Variants in SMARCC2 observed in about 807,000 individuals in gnomAD.
The protein encoded by SMARCC2 is SWI/SNF complex subunit SMARCC2.
In SMARCC2, 15 loss-of-function variants were observed where a neutral mutation model predicts 151.3. The ratio of observed to expected loss-of-function variants is 0.10; its 90% confidence interval spans 0.07 to 0.15. SMARCC2 has a LOEUF of 0.15. SMARCC2 is among the 10% of genes least tolerant of loss of function. The pLI, the probability that SMARCC2 is intolerant of heterozygous loss-of-function variation, is 1.00. For missense variants in SMARCC2, 1,031 were observed against 1,599.7 expected (o/e 0.64, Z 6.06); for synonymous variants, 590 against 609.5 (o/e 0.97, Z 0.47).
chr12:56,189,149 G>C (rs1483665357), intron 1 of SMARCC2, among the ~76,000 whole-genome samples: 1 of 148,428 alleles, frequency 6.7e-6, no homozygotes, highest in African/African-American at 2.5e-5. Flanking sequence ...GGGGGCGGGG[G>C]CTGGGCTCAG....
chr12:56,166,441 G>A (rs1035203394), intron 26 of SMARCC2, among the ~76,000 whole-genome samples: 44 of 151,952 alleles, frequency 2.9e-4, no homozygotes, highest in East Asian at 3.9e-4. Context: ...GTGAGCCACC[G>A]CGCCCGGCTG....
At chr12:56,172,007 C>A in intron 20 of SMARCC2, 70 bp from the exon 21 acceptor site, 1 of 1,436,574 alleles carries the variant, frequency 7.0e-7, no homozygotes, top group Non-Finnish European at 9.5e-7. Flanking sequence ...TCCCCCCATC[C>A]TACTAAGGGC....
chr12:56,176,955 G>A (rs2081134124), intron 15 of SMARCC2, among the ~76,000 whole-genome samples: 1 of 152,114 alleles, frequency 6.6e-6, no homozygotes, highest in Non-Finnish European at 1.5e-5. Context: ...CCTAGTAGTT[G>A]GGATTACAGG....
chr12:56,169,290 T>G (rs1873449903), intron 25 of SMARCC2, among the ~76,000 whole-genome samples: 1 of 152,142 alleles, frequency 6.6e-6, no homozygotes, highest in Non-Finnish European at 1.5e-5. Context: ...AACATGGAGA[T>G]AGTGTGGCAA....
intron 3 of SMARCC2, chr12:56,185,507 C>G: frequency 9.2e-6 from 2 of 217,336 alleles, no homozygotes; most frequent in Non-Finnish European, 1.8e-5. Context: ...GAGAGGGAGT[C>G]CCGCTCTGTT....
intron 3 of SMARCC2, 63 bp from the exon 4 acceptor site, chr12:56,185,174 C>T (rs1404410564): frequency 1.1e-5 from 15 of 1,368,802 alleles, no homozygotes; most frequent in South Asian, 2.3e-5. Flanking sequence ...GGTGAGGGCA[C>T]GTGACTTTTT....
intron 8 of SMARCC2, 23 bp downstream of exon 8, chr12:56,181,981 G>T: frequency 6.3e-7 from 1 of 1,598,904 alleles, no homozygotes; most frequent in Non-Finnish European, 8.6e-7. Context: ...TTTTGGGGAA[G>T]AGGGGATACA....
Position 56,178,516 on chromosome 12 carries a change from T to A in SMARCC2, c.1198A>T (p.Thr400Ser). The A allele has an allele frequency of 1.2e-6, 2 of 1,614,206 alleles. No individual in the cohort carries two copies. The highest frequency in any genetic ancestry group is 1.7e-6 in the Non-Finnish European group (2 of 1,180,010). The change falls in exon 14 of 29, where the codon ACG becomes TCG. Residue 400 changes from threonine (T) to serine (S), a missense_variant. By Grantham distance (58) the Thr-to-Ser change is moderately conservative (BLOSUM62 1). This residue lies in a region of SMARCC2 where 127 missense variants were observed against 141.7 expected (regional missense o/e 0.90). Coordinates refer to ENST00000550164, the MANE Select transcript of SMARCC2 (RefSeq NM_001330288.2). Reference protein sequence around the residue: ...TTGKDEDENSTGNKGEQTKNP... With the variant: ...TTGKDEDENSSGNKGEQTKNP... ...TTGGTCTGCTCTCCCTTGTTCCCCGTACTGTTCTCATCCTCATCCTACGAG... is the reference window on the plus strand; with the variant it reads ...TTGGTCTGCTCTCCCTTGTTCCCCGAACTGTTCTCATCCTCATCCTACGAG...
chr12:56,168,237 A>T lies in SMARCC2; in HGVS notation c.2716-43T>A, dbSNP rs1021099981. ...AGACAGCACATCAGTGGGAGGACCCAACTGAAGACAATACAGAAGAAAGGT... is the reference window on the plus strand; with the variant it reads ...AGACAGCACATCAGTGGGAGGACCCTACTGAAGACAATACAGAAGAAAGGT... On this transcript the variant is annotated intron_variant, in intron 25 of 28. Coordinates refer to ENST00000550164, the MANE Select transcript of SMARCC2 (RefSeq NM_001330288.2). 2.5e-6 allele frequency: 4 copies of T among 1,610,454 alleles called. No individual in the cohort carries two copies. In the African/African-American group the frequency reaches 5.3e-5, roughly 22 times the overall value.
intron 7 of SMARCC2, among the ~76,000 whole-genome samples, chr12:56,182,947 C>T (rs1282978580): frequency 6.6e-6 from 1 of 151,026 alleles, no homozygotes; most frequent in Non-Finnish European, 1.5e-5. Flanking sequence ...AATCCTCCCA[C>T]CTCAGCCCCC....
chr12:56,172,871 T>C, intron 18 of SMARCC2, 66 bp downstream of exon 18: 1 of 1,588,586 alleles, frequency 6.3e-7, no homozygotes, highest in African/African-American at 1.3e-5. Context: ...TGTCTCTTCT[T>C]CCCGGGCAGG....
rs1284468520 is a variant in SMARCC2, at chr12:56,180,879, G to T, written c.1081+98C>A. On this transcript the variant is annotated intron_variant, in intron 11 of 28. Transcript: ENST00000550164. ...ATTTAAGGAAAAGATCCTGTAGACTGGGAGGTGGACCTGAGAAATCAGCTC... is the reference window on the plus strand; with the variant it reads ...ATTTAAGGAAAAGATCCTGTAGACTTGGAGGTGGACCTGAGAAATCAGCTC... 4.8e-6 allele frequency: 6 copies of T among 1,250,450 alleles called. No individual in the cohort carries two copies. In the African/African-American group the frequency reaches 9.0e-5, roughly 19 times the overall value. 77.5% of individuals were successfully genotyped at this position (1,250,450 alleles called of 1,614,324 possible). A position where few individuals can be genotyped will look rare whatever the true frequency, so the allele number is the denominator to read the frequency against.
rs778009668 is a variant in SMARCC2, at chr12:56,174,752, A to G, written c.1395T>C (p.Tyr465=). The change falls in exon 16 of 29, where the codon TAT becomes TAC. Residue 465 remains tyrosine, a synonymous_variant. Transcript: ENST00000550164. ...GGTAAGTGTCAATCATAAAGTTTCG[A>G]TAGGCCAGGTAGCTTAGAAGAAAGA... The part of the protein sequence containing the change: ...KSKTPEIYLA[Y]RNFMIDTYRL... 1 of 1,608,820 alleles carries G rather than the reference A, an allele frequency of 6.2e-7. No homozygotes were observed. Among genetic ancestry groups the G allele is most frequent in the Admixed American group, 1.7e-5 (1 of 59,994 alleles).
chr12:56,169,661 C>T lies in SMARCC2; in HGVS notation c.2583G>A (p.Gly861=). Reference sequence around the variant, plus strand: ...CCACTTCCTTCAGCACTTCCTCCTGCCCTTCCTTTGGCTCCTTCTCCTTCT... The same window carrying T: ...CCACTTCCTTCAGCACTTCCTCCTGTCCTTCCTTTGGCTCCTTCTCCTTCT... ...DPEKEKEPKE[G]QEEVLKEVVE... is the part of the protein sequence containing the mutation. Residue 861 remains glycine, a synonymous_variant, in exon 25 of 29, where the codon GGG becomes GGA. Transcript: ENST00000550164. 3 of 1,614,170 alleles carry T rather than the reference C, an allele frequency of 1.9e-6. No homozygotes were observed. The highest frequency in any genetic ancestry group is 2.5e-6 in the Non-Finnish European group (3 of 1,180,030).
At position 56,174,769 on chromosome 12, in the gene SMARCC2, GAAGA is replaced by G. The variant is rs761587445; in HGVS notation, c.1383-9_1383-6del. On this transcript the variant is annotated splice_polypyrimidine_tract_variant and splice_region_variant and intron_variant, in intron 15 of 28. Transcript: ENST00000550164. ...AAGTTTCGATAGGCCAGGTAGCTTA[GAAGA>G]AAGAGAGAGAGAAACAAGAAGAAGA... 31 of 1,556,686 alleles carry G rather than the reference GAAGA, an allele frequency of 2.0e-5. No homozygotes were observed. The highest frequency in any genetic ancestry group is 9.5e-5 in the African/African-American group (7 of 73,640).
chr12:56,167,992 A>ACACG (rs1433455557), intron 26 of SMARCC2, 68 bp downstream of exon 26: 1 of 1,473,220 alleles, frequency 6.8e-7, no homozygotes, highest in East Asian at 2.3e-5. Flanking sequence ...ACACACACAC[A>ACACG]CACACACGCC....
At chr12:56,170,374 G>C (rs1045800220) in intron 22 of SMARCC2, among the ~76,000 whole-genome samples, 166 bp from the exon 23 acceptor site, 11 of 152,054 alleles carry the variant, frequency 7.2e-5, no homozygotes, top group African/African-American at 2.4e-4. Context: ...GAGCAGCTTG[G>C]ACTATGGGTG....
rs147222662 is a variant in SMARCC2, at chr12:56,170,201, G to A, written c.2355C>T (p.Ser785=). The part of the protein sequence containing the change: ...TSDEPERIEE[S]GNDEARVEGQ... ...CTTCCACCCGAGCCTCGTCATTCCC[G>A]CTCTCCTCTGGGCCCATGAGAAAAG... Residue 785 remains serine (S), a synonymous_variant, in exon 23 of 29, where the codon AGC becomes AGT. Transcript: ENST00000550164. 12 of 1,612,966 alleles carry A rather than the reference G, an allele frequency of 7.4e-6. No individual in the cohort carries two copies. Among genetic ancestry groups the A allele is most frequent in the Admixed American group, 3.3e-5 (2 of 59,980 alleles).
At chr12:56,186,597 G>C in intron 2 of SMARCC2, 1 of 238,346 alleles carries the variant, frequency 4.2e-6, no homozygotes, top group South Asian at 4.9e-5. Flanking sequence ...TGATCTGCCC[G>C]CCTCGGCCTC....
Sources: allele counts gnomAD v4.1 joint callset (sites outside exome capture counted in the v4.1 genomes callset), GRCh38; gene constraint gnomAD v4.1.1; regional missense constraint gnomAD v4.1.1; transcripts MANE v1.5; gene names NCBI Gene and HGNC (gene_info 2026-07-23, HGNC 2026-07-21).